Variants in ATP6V1A observed in about 807,000 individuals in gnomAD.
ATP6V1A encodes the protein ATPase H+ transporting V1 subunit A.
A neutral mutation model predicts 70.1 loss-of-function variants in ATP6V1A; 18 were observed. The ratio of observed to expected loss-of-function variants is 0.26; its 90% CI spans 0.18 to 0.38. The LOEUF (loss-of-function observed/expected upper bound fraction) is 0.38. Among genes scored for constraint, ATP6V1A ranks in the 10% least tolerant of loss-of-function variants. The pLI is 1.00. For missense variants in ATP6V1A, 424 were observed against 772.4 expected (o/e 0.55, Z 5.35); for synonymous variants, 232 against 253.8 (o/e 0.91, Z 0.82).
chr3:113,804,668 CT>C (rs2108045390), intron 13 of ATP6V1A, among the ~76,000 whole-genome samples: 1 of 152,242 alleles, frequency 6.6e-6, no homozygotes, highest in South Asian at 2.1e-4. Context: ...CTACTGGGAA[CT>C]TAACGAAGCT....
chr3:113,794,261 T>C (rs1443350716), intron 8 of ATP6V1A, among the ~76,000 whole-genome samples: 1 of 152,222 alleles, frequency 6.6e-6, no homozygotes. Context: ...GGGTTACTTT[T>C]GCATGCATAC....
At chr3:113,774,890 C>T (rs1320567354) in intron 1 of ATP6V1A, among the ~76,000 whole-genome samples, 1 of 151,594 alleles carries the variant, frequency 6.6e-6, no homozygotes, top group African/African-American at 2.4e-5. Flanking sequence ...ACTCATACAG[C>T]ATGTAGAACG....
intron 1 of ATP6V1A, among the ~76,000 whole-genome samples, chr3:113,751,560 A>T (rs1708586626): frequency 6.6e-6 from 1 of 151,888 alleles, no homozygotes; most frequent in Non-Finnish European, 1.5e-5. Flanking sequence ...GTGAGCAATA[A>T]AAATGTTTTC....
At chr3:113,748,840 G>C (rs1473971285) in intron 1 of ATP6V1A, among the ~76,000 whole-genome samples, 1 of 152,082 alleles carries the variant, frequency 6.6e-6, no homozygotes, top group Admixed American at 6.6e-5. Context: ...ATATATTTAT[G>C]TCATCATGCC....
At chr3:113,788,639 G>A (rs924119424) in intron 6 of ATP6V1A, 74 bp from the exon 7 acceptor site, 10 of 1,457,816 alleles carry the variant, frequency 6.9e-6, no homozygotes, top group East Asian at 2.4e-5. Flanking sequence ...GTGAGCCACC[G>A]CGCCCGGCCC....
intron 1 of ATP6V1A, among the ~76,000 whole-genome samples, chr3:113,757,193 C>T (rs1708654991): frequency 6.6e-6 from 1 of 152,040 alleles, no homozygotes; most frequent in African/African-American, 2.4e-5. Flanking sequence ...TGAATATGGC[C>T]CTGTAGTACC....
intron 1 of ATP6V1A, among the ~76,000 whole-genome samples, chr3:113,767,166 A>G (rs1490803957): frequency 1.4e-5 from 2 of 141,128 alleles, no homozygotes; most frequent in African/African-American, 2.7e-5. Flanking sequence ...ATCTTGGCGC[A>G]TTGCAACCTT....
chr3:113,765,616 AAAGAG>A (rs1240850282), intron 1 of ATP6V1A, among the ~76,000 whole-genome samples: 1 of 148,072 alleles, frequency 6.8e-6, no homozygotes, highest in Non-Finnish European at 1.5e-5. Flanking sequence ...AAAAAACAAA[AAAGAG>A]AGAGAGAGAT....
intron 1 of ATP6V1A, among the ~76,000 whole-genome samples, chr3:113,748,489 A>G (rs1288874931): frequency 6.6e-6 from 1 of 152,246 alleles, no homozygotes; most frequent in Non-Finnish European, 1.5e-5. Context: ...AACTAAGGTA[A>G]TTAAAGAAGA....
intron 3 of ATP6V1A, among the ~76,000 whole-genome samples, chr3:113,782,129 C>T (rs1194451611): frequency 6.6e-6 from 1 of 152,170 alleles, no homozygotes; most frequent in Non-Finnish European, 1.5e-5. Context: ...TTATTTGGTA[C>T]GACGTTTTTG....
chr3:113,808,057 G>C (rs1709296685), intron 14 of ATP6V1A, among the ~76,000 whole-genome samples: 1 of 151,112 alleles, frequency 6.6e-6, no homozygotes, highest in African/African-American at 2.4e-5. Flanking sequence ...TTAAGCCCGG[G>C]AGGTGGAGGT....
At chr3:113,789,928 C>A in intron 8 of ATP6V1A, 88 bp downstream of exon 8, 1 of 966,468 alleles carries the variant, frequency 1.0e-6, no homozygotes, top group Non-Finnish European at 1.6e-6. Flanking sequence ...TTTTTACTTT[C>A]ATTCTAAAAT....
In ATP6V1A at chr3:113,780,740, C is replaced by A. The variant is rs1055120985; in HGVS notation, c.83-310C>A. 7.7e-6 allele frequency: 10 copies of A among 1,300,096 alleles called. No homozygotes were observed. In the Admixed American group the frequency reaches 2.3e-4, roughly 30 times the overall value. 80.5% of individuals were successfully genotyped at this position (1,300,096 alleles called of 1,614,324 possible). On this transcript the variant is annotated intron_variant, in intron 2 of 14. Transcript: ENST00000273398. ...TTTTTATTGTTCCAAAGCCTTCACTCCATGTATCATAGCAACTCTCAGAAC... is the reference window on the plus strand; with the variant it reads ...TTTTTATTGTTCCAAAGCCTTCACTACATGTATCATAGCAACTCTCAGAAC...
chr3:113,793,365 A>G lies in ATP6V1A; in HGVS notation c.989-1507A>G, dbSNP rs550089354. Among the ~76,000 whole-genome samples the G allele has an allele frequency of 5.9e-5, 9 of 152,246 alleles. No homozygotes were observed. The South Asian group carries it at 1.9e-3, about 32-fold the overall frequency. On this transcript the variant is annotated intron_variant, in intron 8 of 14. Transcript: ENST00000273398. ...GGCTTGAGCCACCGCGCCTGGCCAG[A>G]AACTCTTTGATTAATGAATAAATTC...
chr3:113,750,352 C>T (rs1368673534), intron 1 of ATP6V1A, among the ~76,000 whole-genome samples: 1 of 152,134 alleles, frequency 6.6e-6, no homozygotes, highest in Non-Finnish European at 1.5e-5. Context: ...CATGGCGGCA[C>T]GCGCCTGTAG....
At chr3:113,767,539 A>G (rs1378231507) in intron 1 of ATP6V1A, among the ~76,000 whole-genome samples, 1 of 152,176 alleles carries the variant, frequency 6.6e-6, no homozygotes, top group Non-Finnish European at 1.5e-5. Flanking sequence ...ACCATTGACC[A>G]TAGGCTTCTA....
intron 1 of ATP6V1A, among the ~76,000 whole-genome samples, chr3:113,752,629 G>A (rs1205327789): frequency 6.6e-6 from 1 of 151,934 alleles, no homozygotes; most frequent in Admixed American, 6.6e-5. Context: ...AATTTTATAG[G>A]TGTGTAAATA....
rs530296595 is a variant in ATP6V1A, at chr3:113,797,573, CA to C, written c.1291-667del. On this transcript the variant is annotated intron_variant, in intron 11 of 14. Transcript: ENST00000273398. ...GCCTGGCCAGTTAGAGGTTTTTAAT[CA>C]AAGTAAAGTGTGTATTCGATCTACA... Among the ~76,000 whole-genome samples, 15 of 152,210 alleles carry C rather than the reference CA, an allele frequency of 9.9e-5. No individual in the cohort carries two copies. In the East Asian group the frequency reaches 2.7e-3, roughly 27 times the overall value.
At chr3:113,774,640 C>T (rs1708887192) in intron 1 of ATP6V1A, among the ~76,000 whole-genome samples, 5 of 151,892 alleles carry the variant, frequency 3.3e-5, no homozygotes, top group Admixed American at 3.3e-4. Context: ...ATGGTGAAAC[C>T]CTATCTCTAC....
Sources: gnomAD v4.1 joint callset for allele counts (sites outside exome capture counted in the v4.1 genomes callset) on GRCh38, gnomAD v4.1.1 for gene constraint, MANE v1.5 for transcripts, NCBI Gene and HGNC (gene_info 2026-07-23, HGNC 2026-07-21) for gene names.